Variants in PALD1 observed in about 807,000 individuals in gnomAD.
The protein encoded by PALD1 is phosphatase domain containing paladin 1.
A neutral mutation model predicts 96.0 loss-of-function variants in PALD1; 57 were observed. The ratio of observed to expected loss-of-function variants is 0.59; its 90% CI spans 0.48 to 0.74. The LOEUF (loss-of-function observed/expected upper bound fraction) is 0.74, where lower values mean the gene tolerates loss of function less well. Ranked by LOEUF, PALD1 falls within the 30% of genes least tolerant of loss-of-function variation. The probability of loss-of-function intolerance (pLI) is 0.00; values close to 1 mark genes in which losing one functional copy is unlikely to be tolerated. For missense variants in PALD1, 1,063 were observed against 1,143.7 expected (o/e 0.93, Z 1.02); for synonymous variants, 464 against 473.6 (o/e 0.98, Z 0.26).
rs762370458 is a variant in PALD1, at chr10:70,533,911, G to A, written c.871-11G>A. 9 of 1,575,582 alleles carry A rather than the reference G, an allele frequency of 5.7e-6. No homozygotes were observed. The highest frequency in any genetic ancestry group is 6.0e-6 in the Non-Finnish European group (7 of 1,159,036). On this transcript the variant is annotated splice_polypyrimidine_tract_variant and intron_variant, in intron 7 of 19. Transcript: ENST00000263563. ...GTCTCACTGGGGCCTGATCCTCATG[G>A]TCTTTCCCAGGAGACCCCCAGCCTG...
chr10:70,458,980 G>A, the PALD1 span, among the ~76,000 whole-genome samples: 2 of 152,246 alleles, frequency 1.3e-5, no homozygotes, highest in African/African-American at 4.8e-5. Context: ...CCGCGGTGCT[G>A]CACTGCTAAA....
intron 10 of PALD1, among the ~76,000 whole-genome samples, chr10:70,536,141 G>A (rs567921730): frequency 2.2e-4 from 34 of 152,118 alleles, no homozygotes; most frequent in Admixed American, 3.9e-4. Flanking sequence ...GTGGTGGCAC[G>A]CGTAGTACCA....
At chr10:70,488,826 A>G (rs776041773) in intron 1 of PALD1, among the ~76,000 whole-genome samples, 1 of 151,538 alleles carries the variant, frequency 6.6e-6, no homozygotes, top group Non-Finnish European at 1.5e-5. Flanking sequence ...CAGTCTGTCC[A>G]AAACAGCCTC....
intron 1 of PALD1, among the ~76,000 whole-genome samples, chr10:70,497,034 C>T (rs909061542): frequency 2.6e-5 from 4 of 152,150 alleles, no homozygotes; most frequent in Admixed American, 6.5e-5. Context: ...TTTCACTGGG[C>T]GTGCCCACGA....
intron 18 of PALD1, among the ~76,000 whole-genome samples, chr10:70,551,801 G>A (rs892069993): frequency 3.9e-5 from 6 of 152,110 alleles, no homozygotes; most frequent in African/African-American, 1.4e-4. Flanking sequence ...AGAGAGGAGG[G>A]CTCAGAATGT....
intron 1 of PALD1, among the ~76,000 whole-genome samples, chr10:70,499,547 A>G (rs140760966): frequency 1.3e-5 from 2 of 152,330 alleles, no homozygotes; most frequent in African/African-American, 4.8e-5. Context: ...AAAAACAGCT[A>G]CCAGGACTTC....
chr10:70,509,098 C>G (rs1846463225), intron 1 of PALD1, among the ~76,000 whole-genome samples: 1 of 152,232 alleles, frequency 6.6e-6, no homozygotes, highest in South Asian at 2.1e-4. Flanking sequence ...GTTACTCACC[C>G]TGGGCATCTG....
intron 1 of PALD1, among the ~76,000 whole-genome samples, chr10:70,504,177 G>A (rs1459469291): frequency 1.3e-5 from 2 of 152,234 alleles, no homozygotes; most frequent in Non-Finnish European, 2.9e-5. Flanking sequence ...CTTTTGTGTG[G>A]CTTGTATACA....
At chr10:70,527,555 C>T (rs539080891) in intron 2 of PALD1, among the ~76,000 whole-genome samples, 4 of 152,264 alleles carry the variant, frequency 2.6e-5, no homozygotes, top group Non-Finnish European at 4.4e-5. Flanking sequence ...TTGCAACAGG[C>T]GCTGTATGGC....
chr10:70,476,719 G>A (rs929626865), upstream of PALD1, among the ~76,000 whole-genome samples: 1 of 152,264 alleles, frequency 6.6e-6, no homozygotes, highest in East Asian at 1.9e-4. Flanking sequence ...CCTACTGTGT[G>A]TGTGGTGAGT....
At chr10:70,565,592 A>G (rs971374714) in intron 19 of PALD1, among the ~76,000 whole-genome samples, 2 of 152,154 alleles carry the variant, frequency 1.3e-5, no homozygotes, top group African/African-American at 4.8e-5. Context: ...ACTCAGGGCT[A>G]TGAAGGAGTG....
intron 18 of PALD1, among the ~76,000 whole-genome samples, chr10:70,558,997 G>A (rs1369842586): frequency 6.6e-6 from 1 of 152,124 alleles, no homozygotes; most frequent in Non-Finnish European, 1.5e-5. Flanking sequence ...GCTGGGCACT[G>A]GAAGATTGTG....
At chr10:70,508,916 C>A (rs567224371) in intron 1 of PALD1, among the ~76,000 whole-genome samples, 10 of 139,704 alleles carry the variant, frequency 7.2e-5, no homozygotes, top group African/African-American at 2.7e-4. Context: ...GTCTGAGCCC[C>A]TGCCCTGGGT....
chr10:70,485,172 A>ATT (rs3034566), intron 1 of PALD1, among the ~76,000 whole-genome samples: 136,184 of 150,198 alleles, frequency 0.91, 62,136 homozygotes, highest in East Asian at 0.98. Flanking sequence ...TTAAAGTTAA[A>ATT]TTTTTTTTTT....
At chr10:70,536,862 G>A (rs1009702810) in intron 10 of PALD1, among the ~76,000 whole-genome samples, 2 of 152,188 alleles carry the variant, frequency 1.3e-5, no homozygotes, top group Admixed American at 1.3e-4. Context: ...TGACCCAGCA[G>A]GAGAACCTGG....
Position 70,533,069 on chromosome 10 carries a change from G to C in PALD1, c.869G>C (p.Arg290Pro), listed in dbSNP as rs775967983. Residue 290 changes from arginine (R) to proline (P), a missense_variant and splice_region_variant, in exon 7 of 20, where the codon CGG (arginine) becomes CCG (proline). Transcript: ENST00000263563. Reference sequence around the variant, plus strand: ...TTGGACGCCTTTGTCAGTGTTCTCCGGGTAACTGGGGCACGGGCGCGCATG... The same window carrying C: ...TTGGACGCCTTTGTCAGTGTTCTCCCGGTAACTGGGGCACGGGCGCGCATG... ...AQLDAFVSVL[R>P]ETPSLLQLRD... 6.3e-7 allele frequency: 1 copy of C among 1,576,172 alleles called. No individual in the cohort carries two copies. Among genetic ancestry groups the C allele is most frequent in the South Asian group, 1.2e-5 (1 of 86,112 alleles).
At chr10:70,488,586 G>A (rs1767031717) in intron 1 of PALD1, among the ~76,000 whole-genome samples, 1 of 152,078 alleles carries the variant, frequency 6.6e-6, no homozygotes. Flanking sequence ...AATTTGTGTG[G>A]TTTTTTATTT....
At chr10:70,498,033 T>C (rs538563884) in intron 1 of PALD1, among the ~76,000 whole-genome samples, 46 of 152,208 alleles carry the variant, frequency 3.0e-4, no homozygotes, top group African/African-American at 1.1e-3. Flanking sequence ...CCCAGAACTT[T>C]TCCTTCTTTC....
chr10:70,502,562 T>C (rs1329311323), intron 1 of PALD1, among the ~76,000 whole-genome samples: 1 of 152,056 alleles, frequency 6.6e-6, no homozygotes, highest in African/African-American at 2.4e-5. Flanking sequence ...ACATTCATAG[T>C]GGTTGAAGTG....
Sources: allele counts gnomAD v4.1 joint callset (sites outside exome capture counted in the v4.1 genomes callset), GRCh38; gene constraint gnomAD v4.1.1; transcripts MANE v1.5; gene names NCBI Gene and HGNC (gene_info 2026-07-23, HGNC 2026-07-21).